The following HPSE2 variants were observed in gnomAD, a reference collection of about 807,000 sequenced individuals.
HPSE2 encodes heparanase 2 (inactive), also known as inactive heparanase-2.
A neutral mutation model predicts 60.5 loss-of-function variants in HPSE2; 38 were observed. That is an observed-to-expected ratio of 0.63 (90% CI 0.48 to 0.82). The LOEUF (loss-of-function observed/expected upper bound fraction) is 0.82, where lower values mean the gene tolerates loss of function less well. Among genes scored for constraint, HPSE2 ranks in the 40% least tolerant of loss-of-function variants. The pLI, the probability that HPSE2 is intolerant of heterozygous loss-of-function variation, is 0.00. For synonymous variants in HPSE2, 295 were observed against 293.2 expected (o/e 1.01, Z -0.06); for missense variants, 713 against 740.4 (o/e 0.96, Z 0.43).
intron 3 of HPSE2, among the ~76,000 whole-genome samples, chr10:98,857,760 A>G (rs1055590795): frequency 6.6e-6 from 1 of 152,168 alleles, no homozygotes; most frequent in Non-Finnish European, 1.5e-5. Context: ...GATTGAAGAC[A>G]GTTTAATTTG....
chr10:98,806,369 C>T (rs1479281563), intron 3 of HPSE2, among the ~76,000 whole-genome samples: 2 of 152,146 alleles, frequency 1.3e-5, no homozygotes, highest in African/African-American at 4.8e-5. Flanking sequence ...AGGCTTAGAG[C>T]CCCAGAATGC....
At position 98,855,043 on chromosome 10, in the gene HPSE2, T is replaced by C. The variant is rs563895978; in HGVS notation, c.611-110987A>G. On this transcript the variant is annotated intron_variant, in intron 3 of 11. Coordinates refer to ENST00000370552, the MANE Select transcript of HPSE2 (RefSeq NM_021828.5). Reference sequence around the variant, plus strand: ...AGGATCTAGATCCCGTCAGAGAAAGTTAAAAAATCTCAGGGCAACCAACTA... The same window carrying C: ...AGGATCTAGATCCCGTCAGAGAAAGCTAAAAAATCTCAGGGCAACCAACTA... Among the ~76,000 whole-genome samples, 3 of 152,150 alleles carry C rather than the reference T, an allele frequency of 2.0e-5. No individual in the cohort carries two copies. In the East Asian group the frequency reaches 5.8e-4, roughly 29 times the overall value.
chr10:98,469,099 A>G (rs987106404), intron 11 of HPSE2, among the ~76,000 whole-genome samples: 1 of 152,144 alleles, frequency 6.6e-6, no homozygotes, highest in African/African-American at 2.4e-5. Flanking sequence ...TTTGATCTGT[A>G]TTCTATCCAA....
At chr10:98,666,959 T>C (rs1348583323) in intron 6 of HPSE2, among the ~76,000 whole-genome samples, 2 of 151,270 alleles carry the variant, frequency 1.3e-5, no homozygotes, top group Non-Finnish European at 3.0e-5. Flanking sequence ...CAAAAGTCCA[T>C]ACAAAAGATC....
At chr10:98,958,865 A>G (rs1955576607) in intron 3 of HPSE2, among the ~76,000 whole-genome samples, 1 of 152,166 alleles carries the variant, frequency 6.6e-6, no homozygotes, top group African/African-American at 2.4e-5. Context: ...GCATAATATC[A>G]AATTAGGAAC....
intron 3 of HPSE2, among the ~76,000 whole-genome samples, chr10:99,093,581 C>T (rs1169398019): frequency 6.6e-6 from 1 of 152,084 alleles, no homozygotes; most frequent in Non-Finnish European, 1.5e-5. Context: ...CCATCTTCTT[C>T]CAAGATGGTG....
upstream of HPSE2, among the ~76,000 whole-genome samples, chr10:99,240,250 C>A (rs1484908700): frequency 6.6e-6 from 1 of 152,042 alleles, no homozygotes; most frequent in Non-Finnish European, 1.5e-5. Flanking sequence ...ATCATTTCAT[C>A]TCAGACAAGT....
the HPSE2 span, among the ~76,000 whole-genome samples, chr10:99,242,949 A>G: frequency 6.6e-6 from 1 of 152,236 alleles, no homozygotes; most frequent in Non-Finnish European, 1.5e-5. Flanking sequence ...GTTACAAGGA[A>G]ATTATATACC....
At chr10:98,634,829 A>G (rs2134019036) in intron 7 of HPSE2, among the ~76,000 whole-genome samples, 1 of 152,296 alleles carries the variant, frequency 6.6e-6, no homozygotes, top group African/African-American at 2.4e-5. Context: ...TCCTTTATCC[A>G]TACATGTCTA....
At chr10:99,184,786 T>TTTTATATATA (rs1431394305) in intron 2 of HPSE2, among the ~76,000 whole-genome samples, 5 of 25,282 alleles carry the variant, frequency 2.0e-4, no homozygotes, top group African/African-American at 7.1e-4. Context: ...CTATCCAAAA[T>TTTTATATATA]TATATATATA....
At chr10:98,472,331 G>A (rs896880832) in intron 11 of HPSE2, among the ~76,000 whole-genome samples, 3 of 152,052 alleles carry the variant, frequency 2.0e-5, no homozygotes, top group African/African-American at 2.4e-5. Flanking sequence ...CAGCCAGCTC[G>A]TAAATCTCCC....
intron 9 of HPSE2, among the ~76,000 whole-genome samples, chr10:98,499,817 G>T (rs1932799): frequency 6.6e-6 from 1 of 152,078 alleles, no homozygotes; most frequent in Non-Finnish European, 1.5e-5. Context: ...AAAGTAAAGG[G>T]GTGGAAAAAG....
At chr10:98,892,808 T>C (rs890267680) in intron 3 of HPSE2, among the ~76,000 whole-genome samples, 1 of 152,162 alleles carries the variant, frequency 6.6e-6, no homozygotes, top group African/African-American at 2.4e-5. Flanking sequence ...AAGTGAGGAG[T>C]ACATTGTTTA....
chr10:99,048,915 C>T (rs1477977469), intron 3 of HPSE2, among the ~76,000 whole-genome samples: 5 of 152,140 alleles, frequency 3.3e-5, no homozygotes, highest in Non-Finnish European at 7.4e-5. Flanking sequence ...AGAATCAAAT[C>T]CTGTTACTTG....
At chr10:98,971,791 C>T (rs536820641) in intron 3 of HPSE2, among the ~76,000 whole-genome samples, 11 of 152,190 alleles carry the variant, frequency 7.2e-5, no homozygotes, top group Admixed American at 3.9e-4. Context: ...CATGAGAATT[C>T]CCGTGGGGGC....
chr10:98,656,790 T>G (rs989217130), intron 6 of HPSE2, among the ~76,000 whole-genome samples: 7 of 151,260 alleles, frequency 4.6e-5, no homozygotes, highest in Non-Finnish European at 1.0e-4. Context: ...GGATGGAGTT[T>G]CGCTCCTGTT....
In HPSE2 at chr10:98,899,150, T is replaced by C. The variant is rs535876941; in HGVS notation, c.611-155094A>G. ...TGTGGTCTTCGTTCCAGCAATTCTG[T>C]GTGCTTTTGTAGCTTGAAAGCAATT... is the stretch of plus-strand genomic sequence containing the variant. On this transcript the variant is annotated intron_variant, in intron 3 of 11. Transcript: ENST00000370552. 8.2e-4 allele frequency among the ~76,000 whole-genome samples: 125 copies of C among 152,342 alleles called. 2 individuals are homozygous for C. The Middle Eastern group carries it at 0.027, about 33-fold the overall frequency.
chr10:98,557,559 C>T (rs552093601), intron 9 of HPSE2, among the ~76,000 whole-genome samples: 18 of 152,054 alleles, frequency 1.2e-4, no homozygotes, highest in South Asian at 2.1e-4. Flanking sequence ...TAGTGGAGTA[C>T]GCAAATATTT....
the HPSE2 span, among the ~76,000 whole-genome samples, chr10:99,286,892 C>T: frequency 6.6e-6 from 1 of 152,100 alleles, no homozygotes; most frequent in Admixed American, 6.6e-5. Context: ...AAGATAGATA[C>T]TTTTATCATC....
Sources: gnomAD v4.1 joint callset for allele counts (sites outside exome capture counted in the v4.1 genomes callset) on GRCh38, gnomAD v4.1.1 for gene constraint, MANE v1.5 for transcripts, NCBI Gene and HGNC (gene_info 2026-07-23, HGNC 2026-07-21) for gene names.